SH3BP5: variants seen among roughly 807,000 people sequenced by gnomAD.
SH3BP5 encodes the protein SH3 domain binding protein 5.
A neutral mutation model predicts 43.3 loss-of-function variants in SH3BP5; 22 were observed. The ratio of observed to expected loss-of-function variants is 0.51; its 90% CI spans 0.36 to 0.73. The LOEUF is 0.73. SH3BP5 is among the 30% of genes least tolerant of loss of function. The probability of loss-of-function intolerance (pLI) is 0.00; values close to 1 mark genes in which losing one functional copy is unlikely to be tolerated. For synonymous variants in SH3BP5, 255 were observed against 225.8 expected (o/e 1.13, Z -1.16); for missense variants, 529 against 586.9 (o/e 0.90, Z 1.02).
chr3:15,311,188 AAG>A (rs1443254548), intron 2 of SH3BP5, among the ~76,000 whole-genome samples: 13 of 152,240 alleles, frequency 8.5e-5, no homozygotes, highest in African/African-American at 2.4e-5. Flanking sequence ...AGTTGGCAGA[AAG>A]AGGTTTCCCA....
intron 2 of SH3BP5, among the ~76,000 whole-genome samples, chr3:15,312,456 G>A (rs2125122616): frequency 6.6e-6 from 1 of 152,114 alleles, no homozygotes; most frequent in East Asian, 1.9e-4. Flanking sequence ...AAAGCTCTCT[G>A]GGGTACTCAA....
At chr3:15,330,605 T>A (rs758546801) in intron 1 of SH3BP5, 39 bp from the exon 2 acceptor site, 14 of 1,522,794 alleles carry the variant, frequency 9.2e-6, no homozygotes, top group Non-Finnish European at 1.2e-5. Flanking sequence ...ACTTAAGGGA[T>A]CCGTCTTTTG....
upstream of SH3BP5, chr3:15,332,674 G>GCCAGTCCCAGCTATCCAGGTCT: frequency 8.8e-7 from 1 of 1,140,884 alleles, no homozygotes; most frequent in Non-Finnish European, 1.1e-6. Flanking sequence ...GCGTTCCGCC[G>GCCAGTCCCAGCTATCCAGGTCT]CCAGTCCCAG....
chr3:15,330,717 T>G (rs918701955), intron 1 of SH3BP5, 151 bp from the exon 2 acceptor site: 1 of 1,395,176 alleles, frequency 7.2e-7, no homozygotes, highest in African/African-American at 1.5e-5. Context: ...AGTTGAGGCT[T>G]GACTAGAAAA....
Position 15,320,640 on chromosome 3 carries a change from A to ACACACACACACACACACGCT in SH3BP5, c.201+9863_201+9864insAGCGTGTGTGTGTGTGTGTG, listed in dbSNP as rs373879792. 3.9e-3 allele frequency among the ~76,000 whole-genome samples: 589 copies of ACACACACACACACACACGCT among 149,664 alleles called. 3 individuals carry two copies. Among genetic ancestry groups the ACACACACACACACACACGCT allele is most frequent in the South Asian group, 8.7e-3 (41 of 4,730 alleles). On this transcript the variant is annotated intron_variant, in intron 2 of 8. Transcript: ENST00000383791. ...CACACACACACACACACACACACAC[A>ACACACACACACACACACGCT]CCCCACTACGTTAAAGTCCCTACAA...
At chr3:15,291,658 A>T (rs1213405981) in intron 3 of SH3BP5, among the ~76,000 whole-genome samples, 1 of 152,204 alleles carries the variant, frequency 6.6e-6, no homozygotes, top group Non-Finnish European at 1.5e-5. Flanking sequence ...CTTAGTGTAA[A>T]GGGTGTAGTT....
upstream of SH3BP5, among the ~76,000 whole-genome samples, chr3:15,334,606 T>C (rs185692062): frequency 6.6e-6 from 1 of 151,910 alleles, no homozygotes. Context: ...ACTATGTACA[T>C]ATTTGCATTG....
chr3:15,299,936 C>A (rs1056316054), intron 3 of SH3BP5, among the ~76,000 whole-genome samples: 4 of 152,092 alleles, frequency 2.6e-5, no homozygotes, highest in African/African-American at 9.7e-5. Context: ...TCAAAATATT[C>A]ACAAAGTTAA....
intron 3 of SH3BP5, among the ~76,000 whole-genome samples, chr3:15,290,495 C>T (rs1264319755): frequency 1.5e-5 from 2 of 130,796 alleles, no homozygotes; most frequent in African/African-American, 6.1e-5. Flanking sequence ...CACTGCACTA[C>T]AGCCTGGGCA....
rs73146090 is a variant in SH3BP5 at position 15,318,905 on chromosome 3, T to C, written c.201+11599A>G. Among the ~76,000 whole-genome samples, 769 of 139,562 alleles carry C rather than the reference T, an allele frequency of 5.5e-3. 7 individuals are homozygous for C. The highest frequency in any genetic ancestry group is 0.02 in the African/African-American group (711 of 34,958). The allele number at this position is 139,562 out of a possible 152,430, so 91.6% of individuals were successfully genotyped here. ...TTTTTTGACCCGAAGTTTCATAACATTGAAGTGTGGTTTTAACAAGTTCCA... is the reference window on the plus strand; with the variant it reads ...TTTTTTGACCCGAAGTTTCATAACACTGAAGTGTGGTTTTAACAAGTTCCA... On this transcript the variant is annotated intron_variant, in intron 2 of 8. Coordinates refer to ENST00000383791, the MANE Select transcript of SH3BP5 (RefSeq NM_004844.5).
At chr3:15,334,822 C>T (rs1212599154), upstream of SH3BP5, among the ~76,000 whole-genome samples, 1 of 151,488 alleles carries the variant, frequency 6.6e-6, no homozygotes, top group African/African-American at 2.4e-5. Flanking sequence ...TGTGGTGGCT[C>T]ATGCCTGTAG....
At chr3:15,310,506 G>A (rs1466205653) in intron 2 of SH3BP5, among the ~76,000 whole-genome samples, 2 of 152,170 alleles carry the variant, frequency 1.3e-5, no homozygotes, top group Non-Finnish European at 2.9e-5. Flanking sequence ...AGATCAGAGT[G>A]GGGGTGGCTT....
chr3:15,282,904 C>T (rs938843149), intron 3 of SH3BP5, among the ~76,000 whole-genome samples: 1 of 152,112 alleles, frequency 6.6e-6, no homozygotes, highest in Non-Finnish European at 1.5e-5. Context: ...GATTATTCTA[C>T]TTTTGCAGAA....
rs1455439975 is a variant in SH3BP5, at chr3:15,254,973, C to T, written c.*1113G>A. On this transcript the variant is annotated 3_prime_UTR_variant, in exon 9 of 9. Transcript: ENST00000383791. The stretch of plus-strand genomic sequence containing the variant: ...ATTGTATGAAGAGATTTACAAATGA[C>T]TAAAATATACAGGCTGTGACAGAAT... 1.3e-5 allele frequency: 2 copies of T among 152,270 alleles called. No individual in the cohort carries two copies. Among genetic ancestry groups the T allele is most frequent in the East Asian group, 1.9e-4 (1 of 5,194 alleles). 9.4% of individuals were successfully genotyped at this position (152,270 alleles called of 1,614,324 possible).
chr3:15,285,306 T>C (rs897097214), intron 3 of SH3BP5, among the ~76,000 whole-genome samples: 2 of 152,194 alleles, frequency 1.3e-5, no homozygotes, highest in African/African-American at 4.8e-5. Flanking sequence ...CTTAGGGTGA[T>C]GTAAAAGCTC....
chr3:15,256,030 T>C lies in SH3BP5; in HGVS notation c.*56A>G. 1.5e-6 allele frequency: 2 copies of C among 1,350,040 alleles called. No homozygotes were observed. Among genetic ancestry groups the C allele is most frequent in the Admixed American group, 3.7e-5 (2 of 54,622 alleles). The allele number at this position is 1,350,040 out of a possible 1,614,324, so 83.6% of individuals were successfully genotyped here. On this transcript the variant is annotated 3_prime_UTR_variant, in exon 9 of 9. Coordinates refer to ENST00000383791, the MANE Select transcript of SH3BP5 (RefSeq NM_004844.5). ...ATATTAAATGATTATTGGCACAATG[T>C]TCTCCAGTTCCATGTATAAATGTTG...
chr3:15,316,391 ATTTTTGTAT>A (rs1378274500), intron 2 of SH3BP5, among the ~76,000 whole-genome samples: 1 of 151,640 alleles, frequency 6.6e-6, no homozygotes, highest in Non-Finnish European at 1.5e-5. Flanking sequence ...CACTCAGCTA[ATTTTTGTAT>A]TTTTAGCAGA....
intron 2 of SH3BP5, among the ~76,000 whole-genome samples, chr3:15,325,788 G>C (rs1698445041): frequency 6.6e-6 from 1 of 152,196 alleles, no homozygotes; most frequent in Admixed American, 6.5e-5. Flanking sequence ...GTGAGGCCAA[G>C]GGAGGCAGAT....
intron 3 of SH3BP5, among the ~76,000 whole-genome samples, chr3:15,302,673 T>C (rs1441863362): frequency 6.6e-6 from 1 of 152,150 alleles, no homozygotes; most frequent in Non-Finnish European, 1.5e-5. Flanking sequence ...TCTATCTTAA[T>C]ATATTCCTAG....
Sources: allele counts gnomAD v4.1 joint callset (sites outside exome capture counted in the v4.1 genomes callset), GRCh38; gene constraint gnomAD v4.1.1; transcripts MANE v1.5; gene names NCBI Gene and HGNC (gene_info 2026-07-23, HGNC 2026-07-21).